The following ARHGAP45 variants were observed in gnomAD, a reference collection of about 807,000 sequenced individuals.
The protein encoded by ARHGAP45 is rho GTPase-activating protein 45.
A neutral mutation model predicts 116.1 loss-of-function variants in ARHGAP45; 56 were observed. That is an observed-to-expected ratio of 0.48 (90% CI 0.39 to 0.60). The LOEUF is 0.60. ARHGAP45 is among the 20% of genes least tolerant of loss of function. ARHGAP45 has a pLI of 0.00. For missense variants in ARHGAP45, 1,622 were observed against 1,601.0 expected, an observed-to-expected ratio of 1.01 and a Z score of -0.22; for synonymous variants, 866 against 701.7, an observed-to-expected ratio of 1.23 and a Z score of -3.70.
At position 1,081,484 on chromosome 19, in the gene ARHGAP45, A is replaced by G. The variant is rs531611257; in HGVS notation, c.2191-66A>G. On this transcript the variant is annotated intron_variant, in intron 17 of 22. Transcript: ENST00000313093. ...TGAGCGCCCCGGGGAGGTGGGGTGG[A>G]GCCGCTGGGGGCTGCGCTGAGCTGG... The G allele has an allele frequency of 3.1e-5, 43 of 1,398,202 alleles. No individual in the cohort carries two copies. The African/African-American group carries it at 4.9e-4, about 16-fold the overall frequency. The allele number at this position is 1,398,202 out of a possible 1,614,324, so 86.6% of individuals were successfully genotyped here. A position where few individuals can be genotyped will look rare whatever the true frequency, so the allele number is the denominator to read the frequency against.
intron 10 of ARHGAP45, among the ~76,000 whole-genome samples, chr19:1,076,261 C>A (rs1041951340): frequency 1.3e-5 from 2 of 152,136 alleles, no homozygotes; most frequent in Non-Finnish European, 2.9e-5. Flanking sequence ...TCTGTGAACC[C>A]TCAGTTCTTA....
upstream of ARHGAP45, chr19:1,065,981 C>T (rs145698609): frequency 4.7e-3 from 7,188 of 1,524,086 alleles, 203 homozygotes; most frequent in South Asian, 0.05. Flanking sequence ...GAAGCCCATC[C>T]GACATCCAGC....
Position 1,068,409 on chromosome 19 carries a change from C to T in ARHGAP45, c.91-5C>T. The stretch of plus-strand genomic sequence containing the variant: ...TTTAACGAGCTCCCCTCGGACCTGC[C>T]CAAGGAGCTGCCCAGGAAGGATGGG... On this transcript the variant is annotated splice_polypyrimidine_tract_variant and splice_region_variant and intron_variant, in intron 1 of 22. Coordinates refer to ENST00000313093, the MANE Select transcript of ARHGAP45 (RefSeq NM_012292.5). This position sits in a 1 kb window ranked among gnomAD's most constrained non-coding sequence, Gnocchi z 7.5. 6.5e-7 allele frequency: 1 copy of T among 1,546,950 alleles called. No homozygotes were observed. Among genetic ancestry groups the T allele is most frequent in the Non-Finnish European group, 8.7e-7 (1 of 1,144,792 alleles).
chr19:1,079,179 CAA>C (rs566796533), intron 11 of ARHGAP45, among the ~76,000 whole-genome samples: 4 of 125,402 alleles, frequency 3.2e-5, no homozygotes, highest in Admixed American at 8.0e-5. Flanking sequence ...GACTCTGTCT[CAA>C]AAAAAAAAAA....
upstream of ARHGAP45, chr19:1,066,019 C>T: frequency 6.5e-7 from 1 of 1,535,166 alleles, no homozygotes; most frequent in Non-Finnish European, 8.7e-7. Context: ...CCCCAGCCCT[C>T]AGCGCCATGA....
In ARHGAP45 at chr19:1,068,838, G is replaced by A. The variant is rs1356053623; in HGVS notation, c.421+94G>A. 6.5e-6 allele frequency: 8 copies of A among 1,236,300 alleles called. No homozygotes were observed. Among genetic ancestry groups the A allele is most frequent in the Admixed American group, 3.9e-5 (2 of 51,330 alleles). 76.6% of individuals were successfully genotyped at this position (1,236,300 alleles called of 1,614,324 possible). Reference sequence around the variant, plus strand: ...GGACTTGGGGAGGCTCAGAAGGGAGGGAGGCTCAGATGGCAGGGAGGGCTG... The same window carrying A: ...GGACTTGGGGAGGCTCAGAAGGGAGAGAGGCTCAGATGGCAGGGAGGGCTG... On this transcript the variant is annotated intron_variant, in intron 2 of 22. Coordinates refer to ENST00000313093, the MANE Select transcript of ARHGAP45 (RefSeq NM_012292.5). This position sits in a 1 kb window ranked among gnomAD's most constrained non-coding sequence, Gnocchi z 7.5.
Position 1,080,041 on chromosome 19 carries a change from C to A in ARHGAP45, c.1626C>A (p.Ser542=). The change falls in exon 13 of 23, where the codon TCC becomes TCA. Residue 542 remains serine, a synonymous_variant. Coordinates refer to ENST00000313093, the MANE Select transcript of ARHGAP45 (RefSeq NM_012292.5). ...ATGACCCAGGCCAGCAGTACGCCTCCCACGTGCGCCAGCTGCAGCGGGACC... is the reference window on the plus strand; with the variant it reads ...ATGACCCAGGCCAGCAGTACGCCTCACACGTGCGCCAGCTGCAGCGGGACC... ...KLYDPGQQYA[S]HVRQLQRDQE... is the part of the protein sequence containing the mutation. The A allele has an allele frequency of 6.2e-7, 1 of 1,612,848 alleles. No individual in the cohort carries two copies. Among genetic ancestry groups the A allele is most frequent in the Non-Finnish European group, 8.5e-7 (1 of 1,179,918 alleles).
At position 1,083,281 on chromosome 19, in the gene ARHGAP45, C is replaced by G. The variant is rs1452091727; in HGVS notation, c.2883C>G (p.Arg961=). ...TGGTGGATTATCCCCATCAGGCCCGCGTCATCGAGACTCTCATCGTCCACT... is the reference window on the plus strand; with the variant it reads ...TGGTGGATTATCCCCATCAGGCCCGGGTCATCGAGACTCTCATCGTCCACT... ...SSLVDYPHQA[R]VIETLIVHYG... The change falls in exon 21 of 23, where the codon CGC becomes CGG. Residue 961 remains arginine, a synonymous_variant. Transcript: ENST00000313093. The G allele has an allele frequency of 6.3e-7, 1 of 1,591,040 alleles. No individual in the cohort carries two copies. Among genetic ancestry groups the G allele is most frequent in the East Asian group, 2.3e-5 (1 of 43,826 alleles).
rs770525941 is a variant in ARHGAP45, at chr19:1,082,882, G to A, written c.2560G>A (p.Val854Ile). ...CTCCTTCCGCCTCTACCACGAGCTC[G>A]TAGGGCTGGCCAAGGACAGCCTGAA... ...LISFRLYHEL[V>I]GLAKDSLKAE... The change falls in exon 20 of 23, where the codon GTA (valine) becomes ATA (isoleucine). Residue 854 changes from valine to isoleucine, a missense_variant. By Grantham distance (29) the Val-to-Ile change is conservative. This residue lies in a region of ARHGAP45 where 1,334 missense variants were observed against 1,263.8 expected (regional missense o/e 1.06). Coordinates refer to ENST00000313093, the MANE Select transcript of ARHGAP45 (RefSeq NM_012292.5). 49 of 1,582,254 alleles carry A rather than the reference G, an allele frequency of 3.1e-5. No individual in the cohort carries two copies. The highest frequency in any genetic ancestry group is 4.0e-5 in the Non-Finnish European group (46 of 1,164,348).
chr19:1,084,554 A>C (rs990191731), intron 22 of ARHGAP45, among the ~76,000 whole-genome samples: 4 of 152,196 alleles, frequency 2.6e-5, no homozygotes, highest in Non-Finnish European at 5.9e-5. Context: ...GTGCCTTTTG[A>C]GGTGCCTACC....
intron 10 of ARHGAP45, 30 bp downstream of exon 10, chr19:1,074,909 G>T (rs1467881244): frequency 1.7e-6 from 1 of 603,582 alleles, no homozygotes. Context: ...GCGGGCGGGG[G>T]CGGGCAGCGG....
At position 1,067,246 on chromosome 19, in the gene ARHGAP45, T is replaced by TG. The variant is rs3215114; in HGVS notation, c.-154dup. On this transcript the variant is annotated 5_prime_UTR_variant, in exon 1 of 23. Coordinates refer to ENST00000313093, the MANE Select transcript of ARHGAP45 (RefSeq NM_012292.5). ...CCGCCTCCCCGAAGCCTTTTCCTGT[T>TG]GGGGGGAGGGCCCGCCAGTGACGGC... 0.54 allele frequency: 741,821 copies of TG among 1,375,994 alleles called. 201,072 individuals are homozygous for TG. The highest frequency in any genetic ancestry group is 0.59 in the South Asian group (34,319 of 58,072). The allele number at this position is 1,375,994 out of a possible 1,614,324, so 85.2% of individuals were successfully genotyped here. A position where few individuals can be genotyped will look rare whatever the true frequency, so the allele number is the denominator to read the frequency against.
Position 1,073,593 on chromosome 19 carries a change from G to A in ARHGAP45, c.650+3G>A, listed in dbSNP as rs2043179426. Reference sequence around the variant, plus strand: ...ATTGCTGTGGCCTTCAGTAGCACGTGAGCACGGGAGCCTGTGGGGCAGGGC... The same window carrying A: ...ATTGCTGTGGCCTTCAGTAGCACGTAAGCACGGGAGCCTGTGGGGCAGGGC... On this transcript the variant is annotated splice_donor_region_variant and intron_variant, in intron 4 of 22. Transcript: ENST00000313093. 6.2e-7 allele frequency: 1 copy of A among 1,613,798 alleles called. No individual in the cohort carries two copies.
intron 3 of ARHGAP45, 93 bp downstream of exon 3, chr19:1,073,385 G>A: frequency 6.3e-7 from 1 of 1,579,900 alleles, no homozygotes; most frequent in East Asian, 2.2e-5. Flanking sequence ...AGGATGCATA[G>A]GAGTTTGACA....
chr19:1,086,319 C>G lies in ARHGAP45; in HGVS notation c.*313C>G. ...GGCTGTGTGGATGGAGGAAGCTGTC[C>G]CTGCCCAGTGCATCCCCCAGGTCAT... is the stretch of plus-strand genomic sequence containing the variant. On this transcript the variant is annotated 3_prime_UTR_variant, in exon 23 of 23. Coordinates refer to ENST00000313093, the MANE Select transcript of ARHGAP45 (RefSeq NM_012292.5). The G allele has an allele frequency of 3.2e-6, 1 of 312,270 alleles. No homozygotes were observed. The highest frequency in any genetic ancestry group is 6.1e-6 in the Non-Finnish European group (1 of 164,784). The allele number at this position is 312,270 out of a possible 1,614,324, so 19.3% of individuals were successfully genotyped here. A position where few individuals can be genotyped will look rare whatever the true frequency, so the allele number is the denominator to read the frequency against.
At chr19:1,085,567 CTGT>C in intron 22 of ARHGAP45, 90 bp from the exon 23 acceptor site, 1 of 939,944 alleles carries the variant, frequency 1.1e-6, no homozygotes, top group Non-Finnish European at 1.6e-6. Flanking sequence ...CCCCCCTCTC[CTGT>C]CTCTCCCCAT....
At chr19:1,074,928 G>T (rs2043211716) in intron 10 of ARHGAP45, 49 bp downstream of exon 10, 4 of 1,453,566 alleles carry the variant, frequency 2.8e-6, no homozygotes, top group Non-Finnish European at 3.7e-6. Context: ...GGGCCTCGGC[G>T]CAGGCGCAGT....
intron 10 of ARHGAP45, among the ~76,000 whole-genome samples, chr19:1,075,660 C>T (rs1253967300): frequency 3.3e-5 from 5 of 152,176 alleles, no homozygotes; most frequent in Non-Finnish European, 1.5e-5. Context: ...GTCACCCAGG[C>T]TGGACTGCAG....
chr19:1,075,233 A>ATT (rs1474793784), intron 10 of ARHGAP45, among the ~76,000 whole-genome samples: 2 of 75,668 alleles, frequency 2.6e-5, no homozygotes, highest in African/African-American at 5.9e-5. Flanking sequence ...TCCTGCATGT[A>ATT]TTCTTTTTTT....
Sources: allele counts gnomAD v4.1 joint callset (sites outside exome capture counted in the v4.1 genomes callset), GRCh38; gene constraint gnomAD v4.1.1; regional missense constraint gnomAD v4.1.1; non-coding constraint Gnocchi (gnomAD v3.1); transcripts MANE v1.5; gene names NCBI Gene and HGNC (gene_info 2026-07-23, HGNC 2026-07-21).